Variants in XRCC5 observed in about 807,000 individuals in gnomAD.
XRCC5 encodes DNA repair protein Ku80.
In XRCC5, 12 loss-of-function variants were observed where a neutral mutation model predicts 95.7. The ratio of observed to expected loss-of-function variants is 0.13; its 90% CI spans 0.08 to 0.20. The LOEUF (loss-of-function observed/expected upper bound fraction) is 0.20. Among genes scored for constraint, XRCC5 ranks in the 10% least tolerant of loss-of-function variants. XRCC5 has a pLI of 1.00. For missense variants in XRCC5, 595 were observed against 873.9 expected (o/e 0.68, Z 4.02); for synonymous variants, 281 against 290.3 (o/e 0.97, Z 0.33).
rs41296789 is a variant in XRCC5 at position 216,198,039 on chromosome 2, A to G, written c.2109+3053A>G. On this transcript the variant is annotated intron_variant, in intron 19 of 20. Transcript: ENST00000392132. ...CAGTATTATCTCTGTAATCTTCACA[A>G]TGATCTGCTAAGAATTGGCAAGAGC... Among the ~76,000 whole-genome samples, 967 of 152,336 alleles carry G rather than the reference A, an allele frequency of 6.3e-3. 8 individuals are homozygous for G. Among genetic ancestry groups the G allele is most frequent in the African/African-American group, 0.022 (922 of 41,570 alleles).
At chr2:216,182,733 C>T (rs538901357) in intron 16 of XRCC5, among the ~76,000 whole-genome samples, 6 of 152,244 alleles carry the variant, frequency 3.9e-5, no homozygotes, top group South Asian at 4.2e-4. Flanking sequence ...TTTAAGTGTA[C>T]TCCGTTGTAG....
At chr2:216,139,138 A>C (rs1697134838) in intron 12 of XRCC5, among the ~76,000 whole-genome samples, 1 of 152,162 alleles carries the variant, frequency 6.6e-6, no homozygotes, top group Non-Finnish European at 1.5e-5. Flanking sequence ...AATTTAAATG[A>C]GTAGAATATT....
At chr2:216,111,876 G>C (rs943913353) in intron 1 of XRCC5, among the ~76,000 whole-genome samples, 1 of 152,162 alleles carries the variant, frequency 6.6e-6, no homozygotes, top group Non-Finnish European at 1.5e-5. Flanking sequence ...GAACTAATGG[G>C]TAGGAGAGAT....
intron 2 of XRCC5, among the ~76,000 whole-genome samples, chr2:216,114,617 G>A (rs1348772447): frequency 6.6e-6 from 1 of 152,070 alleles, no homozygotes; most frequent in East Asian, 1.9e-4. Context: ...CCCCAAAGCT[G>A]TCAGGTTATC....
chr2:216,158,006 T>G (rs1452872031), intron 14 of XRCC5, among the ~76,000 whole-genome samples: 3 of 152,238 alleles, frequency 2.0e-5, no homozygotes, highest in Admixed American at 6.5e-5. Context: ...TTAACCATAC[T>G]AAATTTTACT....
intron 16 of XRCC5, among the ~76,000 whole-genome samples, chr2:216,170,529 AT>A (rs1689142318): frequency 1.3e-5 from 2 of 152,152 alleles, no homozygotes; most frequent in African/African-American, 4.8e-5. Flanking sequence ...ACCATGAGAT[AT>A]CAAAAGAACT....
At chr2:216,182,280 G>C (rs1384128086) in intron 16 of XRCC5, among the ~76,000 whole-genome samples, 2 of 152,164 alleles carry the variant, frequency 1.3e-5, no homozygotes, top group Non-Finnish European at 2.9e-5. Context: ...GATTGATTTT[G>C]TGTTCCTGTT....
At chr2:216,136,976 C>A in intron 10 of XRCC5, 112 bp from the exon 11 acceptor site, 1 of 1,321,318 alleles carries the variant, frequency 7.6e-7, no homozygotes, top group Non-Finnish European at 1.0e-6. Context: ...TCAGGGGGCA[C>A]CCTAAAAAAT....
intron 16 of XRCC5, among the ~76,000 whole-genome samples, chr2:216,167,544 A>T (rs1477040911): frequency 6.8e-6 from 1 of 146,216 alleles, no homozygotes; most frequent in African/African-American, 2.5e-5. Context: ...ATCTAGCAGA[A>T]ATCTCTCTCG....
rs530261923 is a variant in XRCC5 at position 216,126,504 on chromosome 2, T to C, written c.798+473T>C. 2.3e-3 allele frequency among the ~76,000 whole-genome samples: 345 copies of C among 152,364 alleles called. 1 individual carries two copies. The highest frequency in any genetic ancestry group is 3.7e-3 in the Non-Finnish European group (254 of 68,036). On this transcript the variant is annotated intron_variant, in intron 7 of 20. Coordinates refer to ENST00000392132, the MANE Select transcript of XRCC5 (RefSeq NM_021141.4). ...GTTACTGTAAAATTGCATTTTATAATATATGTACATTTATATACAATAGCA... is the reference window on the plus strand; with the variant it reads ...GTTACTGTAAAATTGCATTTTATAACATATGTACATTTATATACAATAGCA...
At chr2:216,114,108 A>C (rs966432476) in intron 2 of XRCC5, among the ~76,000 whole-genome samples, 1 of 152,202 alleles carries the variant, frequency 6.6e-6, no homozygotes, top group Non-Finnish European at 1.5e-5. Context: ...CACATAGGGT[A>C]GTTTTGAAGA....
intron 16 of XRCC5, chr2:216,175,462 G>A: frequency 1.9e-6 from 1 of 513,252 alleles, no homozygotes; most frequent in South Asian, 1.4e-5. Flanking sequence ...TTACAGTTGT[G>A]CTTGTTAATA....
At position 216,205,180 on chromosome 2, in the gene XRCC5, G is replaced by T. The variant is rs1018122328; in HGVS notation, c.2185-8G>T. 3.1e-6 allele frequency: 5 copies of T among 1,613,760 alleles called. No individual in the cohort carries two copies. The African/African-American group carries it at 6.7e-5, about 22-fold the overall frequency. ...ATTCCTTTCTAAGTGTGTTGTTCTT[G>T]TTCACAGTTGGACATGATATAGGTC... On this transcript the variant is annotated splice_polypyrimidine_tract_variant and splice_region_variant and intron_variant, in intron 20 of 20. Coordinates refer to ENST00000392132, the MANE Select transcript of XRCC5 (RefSeq NM_021141.4).
chr2:216,114,217 G>C (rs543402871), intron 2 of XRCC5, among the ~76,000 whole-genome samples: 1 of 152,122 alleles, frequency 6.6e-6, no homozygotes, highest in South Asian at 2.1e-4. Flanking sequence ...CCTTCTACTT[G>C]GTATGACTGC....
At chr2:216,177,833 A>G (rs928165062) in intron 16 of XRCC5, among the ~76,000 whole-genome samples, 2 of 152,170 alleles carry the variant, frequency 1.3e-5, no homozygotes, top group Admixed American at 6.5e-5. Flanking sequence ...TTATCCCACA[A>G]TTTGCTCTGT....
At chr2:216,164,156 A>G (rs1689007501) in intron 16 of XRCC5, among the ~76,000 whole-genome samples, 1 of 152,222 alleles carries the variant, frequency 6.6e-6, no homozygotes, top group South Asian at 2.1e-4. Context: ...TGCTGTGACA[A>G]GTCAATGAAC....
intron 19 of XRCC5, among the ~76,000 whole-genome samples, chr2:216,196,798 A>G (rs1689730332): frequency 1.3e-5 from 2 of 152,192 alleles, no homozygotes; most frequent in South Asian, 4.1e-4. Context: ...ACATCTACAA[A>G]ATACCCTCAC....
intron 8 of XRCC5, among the ~76,000 whole-genome samples, chr2:216,128,418 G>A (rs1484490193): frequency 1.3e-5 from 2 of 152,196 alleles, no homozygotes; most frequent in Admixed American, 6.5e-5. Flanking sequence ...ATATTTGTGT[G>A]TGTTGGAGGA....
chr2:216,130,824 T>C, intron 8 of XRCC5, 51 bp from the exon 9 acceptor site: 4 of 1,275,790 alleles, frequency 3.1e-6, no homozygotes, highest in Non-Finnish European at 3.3e-6. Context: ...TTTCAGCTTG[T>C]AGAAAATGAG....
Sources: allele counts gnomAD v4.1 joint callset (sites outside exome capture counted in the v4.1 genomes callset), GRCh38; gene constraint gnomAD v4.1.1; transcripts MANE v1.5; gene names NCBI Gene and HGNC (gene_info 2026-07-23, HGNC 2026-07-21).